The following LRRC56 variants were observed in gnomAD, a reference collection of about 807,000 sequenced individuals.
LRRC56 encodes leucine rich repeat containing 56, also known as leucine-rich repeat-containing protein 56.
In LRRC56, 41 loss-of-function variants were observed where a neutral mutation model predicts 47.8. The ratio of observed to expected loss-of-function variants is 0.86; its 90% CI spans 0.67 to 1.11. The LOEUF (loss-of-function observed/expected upper bound fraction) is 1.11. Ranked by LOEUF, LRRC56 falls within the 50% of genes most tolerant of loss-of-function variation. The probability of loss-of-function intolerance (pLI) is 0.00; values close to 1 mark genes in which losing one functional copy is unlikely to be tolerated. For synonymous variants in LRRC56, 387 were observed against 311.2 expected, an observed-to-expected ratio of 1.24 and a Z score of -2.56; for missense variants, 759 against 704.2, an observed-to-expected ratio of 1.08 and a Z score of -0.88.
At chr11:527,837 A>G in the LRRC56 span, among the ~76,000 whole-genome samples, 2 of 151,622 alleles carry the variant, frequency 1.3e-5, no homozygotes, top group Non-Finnish European at 2.9e-5. Context: ...AGTAGCTGGG[A>G]TTACAGTCAT....
upstream of LRRC56, chr11:537,430 C>G (rs933080514): frequency 1.3e-5 from 2 of 152,276 alleles, no homozygotes; most frequent in African/African-American, 2.4e-5. Context: ...AACCCGAGCC[C>G]CCGGCGACTT....
At chr11:550,338 C>CG in intron 8 of LRRC56, 66 bp downstream of exon 8, 1 of 1,432,796 alleles carries the variant, frequency 7.0e-7, no homozygotes, top group Admixed American at 2.4e-5. Context: ...GCTCCAGCCC[C>CG]GGGGCCCCTC....
intron 6 of LRRC56, among the ~76,000 whole-genome samples, chr11:545,574 G>C (rs967011110): frequency 6.6e-6 from 1 of 152,142 alleles, no homozygotes; most frequent in Non-Finnish European, 1.5e-5. Context: ...GGCAGCTCCC[G>C]GGAGAGGCAC....
intron 11 of LRRC56, 27 bp downstream of exon 11, chr11:551,994 A>G (rs1339599155): frequency 1.2e-6 from 2 of 1,611,774 alleles, no homozygotes; most frequent in South Asian, 1.1e-5. Flanking sequence ...CCAGCCCCCC[A>G]CGAGAACCAG....
the LRRC56 span, among the ~76,000 whole-genome samples, chr11:517,757 G>A: frequency 1.2e-4 from 18 of 152,240 alleles, no homozygotes; most frequent in Admixed American, 9.8e-4. Context: ...AAGAAAGAGA[G>A]GTCAGATTGT....
the LRRC56 span, among the ~76,000 whole-genome samples, chr11:523,763 C>T: frequency 6.6e-6 from 1 of 150,878 alleles, no homozygotes; most frequent in Admixed American, 6.6e-5. Flanking sequence ...AAATCCTGTC[C>T]GTAAAAATAC....
chr11:550,376 C>T (rs1411137982), intron 8 of LRRC56, 104 bp downstream of exon 8: 18 of 1,083,104 alleles, frequency 1.7e-5, no homozygotes, highest in African/African-American at 4.8e-5. Flanking sequence ...TGTGCCCACC[C>T]GCACCCTATG....
chr11:530,329 G>A, the LRRC56 span, among the ~76,000 whole-genome samples: 1 of 152,224 alleles, frequency 6.6e-6, no homozygotes, highest in African/African-American at 2.4e-5. Context: ...AAGGAGCCAG[G>A]GTGGCACCCG....
In LRRC56 at chr11:554,081, G is replaced by A; in HGVS notation, c.1434G>A (p.Arg478=). 2 of 1,608,710 alleles carry A rather than the reference G, an allele frequency of 1.2e-6. No individual in the cohort carries two copies. The highest frequency in any genetic ancestry group is 1.7e-6 in the Non-Finnish European group (2 of 1,178,848). Residue 478 remains arginine, a synonymous_variant, in exon 14 of 14, where the codon CGG becomes CGA. Coordinates refer to ENST00000270115, the MANE Select transcript of LRRC56 (RefSeq NM_198075.4). ...WSTDLQSRGR[R]LRVLGSWGPG... is the part of the protein sequence containing the mutation. ...CAGACCTGCAGTCCAGGGGGCGTCG[G>A]CTCCGAGTCCTGGGCAGCTGGGGGC...
upstream of LRRC56, chr11:534,627 C>T: frequency 4.0e-6 from 2 of 500,276 alleles, no homozygotes; most frequent in East Asian, 3.4e-5. Flanking sequence ...GGGCTGACAG[C>T]TGAGCGCTCT....
At chr11:537,853 T>C (rs1291542170) in intron 1 of LRRC56, among the ~76,000 whole-genome samples, 1 of 152,118 alleles carries the variant, frequency 6.6e-6, no homozygotes, top group Non-Finnish European at 1.5e-5. Context: ...TGAGGGAGAC[T>C]CAGAGGCAAT....
chr11:525,265 C>T, the LRRC56 span, among the ~76,000 whole-genome samples: 895 of 151,506 alleles, frequency 5.9e-3, 8 homozygotes, highest in African/African-American at 0.021. Flanking sequence ...TCAGGCCAGG[C>T]ACGGTGGCTC....
At chr11:542,249 G>A (rs1377924076) in intron 5 of LRRC56, among the ~76,000 whole-genome samples, 3 of 151,894 alleles carry the variant, frequency 2.0e-5, no homozygotes, top group African/African-American at 4.8e-5. Context: ...ACACACCCAC[G>A]CCAGCATCAC....
At chr11:535,497 C>G (rs1417609991), upstream of LRRC56, 1 of 147,664 alleles carries the variant, frequency 6.8e-6, no homozygotes, top group African/African-American at 2.4e-5. Flanking sequence ...GCGGTTCGCC[C>G]CGCGCATGGG....
chr11:527,743 C>T, the LRRC56 span, among the ~76,000 whole-genome samples: 1,176 of 148,496 alleles, frequency 7.9e-3, 15 homozygotes, highest in African/African-American at 0.028. Context: ...TCTTGTTGCC[C>T]AGGCTGGAGT....
At chr11:549,621 G>A (rs956961093) in intron 6 of LRRC56, among the ~76,000 whole-genome samples, 2 of 152,266 alleles carry the variant, frequency 1.3e-5, no homozygotes, top group East Asian at 1.9e-4. Context: ...CAGCCTGCCA[G>A]GGAGGGGACT....
At chr11:547,551 A>G (rs1191130179) in intron 6 of LRRC56, among the ~76,000 whole-genome samples, 1 of 151,308 alleles carries the variant, frequency 6.6e-6, no homozygotes, top group East Asian at 2.0e-4. Flanking sequence ...ACGAGGTTTC[A>G]CCACGTTGGC....
At chr11:542,378 A>G (rs1035527120) in intron 5 of LRRC56, among the ~76,000 whole-genome samples, 8 of 152,128 alleles carry the variant, frequency 5.3e-5, no homozygotes, top group Non-Finnish European at 1.2e-4. Flanking sequence ...TGGGAGTCCA[A>G]GGTGGATGGA....
the LRRC56 span, among the ~76,000 whole-genome samples, chr11:525,356 G>A: frequency 3.4e-3 from 521 of 152,048 alleles, 4 homozygotes; most frequent in South Asian, 0.022. Flanking sequence ...TGGCTAACAC[G>A]GTGAAGCCCC....
Sources: gnomAD v4.1 joint callset for allele counts (sites outside exome capture counted in the v4.1 genomes callset) on GRCh38, gnomAD v4.1.1 for gene constraint, MANE v1.5 for transcripts, NCBI Gene and HGNC (gene_info 2026-07-23, HGNC 2026-07-21) for gene names.